AGO1: variants seen among roughly 807,000 people sequenced by gnomAD.
The protein encoded by AGO1 is protein argonaute-1.
AGO1 carries 11 observed loss-of-function variants against 109.2 expected under a neutral mutation model. The ratio of observed to expected loss-of-function variants is 0.10; its 90% CI spans 0.06 to 0.17. The LOEUF is 0.17. Among genes scored for constraint, AGO1 ranks in the 10% least tolerant of loss-of-function variants. The pLI, the probability that AGO1 is intolerant of heterozygous loss-of-function variation, is 1.00. For missense variants in AGO1, 574 were observed against 1,140.3 expected (o/e 0.50, Z 7.15); for synonymous variants, 422 against 418.6 (o/e 1.01, Z -0.10).
chr1:35,908,561 T>C (rs1388625188), intron 12 of AGO1, among the ~76,000 whole-genome samples: 1 of 152,212 alleles, frequency 6.6e-6, no homozygotes, highest in Non-Finnish European at 1.5e-5. Context: ...CTGGATATAT[T>C]GATGAATAAA....
At chr1:35,883,080 G>T, upstream of AGO1, 1 of 1,045,914 alleles carries the variant, frequency 9.6e-7, no homozygotes, top group Non-Finnish European at 1.2e-6. The surrounding 1 kb of genome is among the most constrained non-coding windows in gnomAD (Gnocchi z 5.4). Context: ...ATGGCGACGG[G>T]TGACCGCCAG....
intron 2 of AGO1, among the ~76,000 whole-genome samples, 153 bp from the exon 3 acceptor site, chr1:35,892,404 T>A (rs1645236379): frequency 6.6e-6 from 1 of 152,230 alleles, no homozygotes; most frequent in African/African-American, 2.4e-5. Context: ...TCCAGGTGAT[T>A]CATAGGAATA....
rs774740182 is a variant in AGO1 at position 35,918,472 on chromosome 1, C to A, written c.2265+49C>A. ...TCCAATGGGTCAAAGATGAGTTGTTCATTCATATTGCCTCTAGAATGTATC... is the reference window on the plus strand; with the variant it reads ...TCCAATGGGTCAAAGATGAGTTGTTAATTCATATTGCCTCTAGAATGTATC... On this transcript the variant is annotated intron_variant, in intron 17 of 18. Transcript: ENST00000373204. 3.7e-6 allele frequency: 5 copies of A among 1,367,198 alleles called. No homozygotes were observed. In the South Asian group the frequency reaches 4.6e-5, roughly 13 times the overall value. The allele number at this position is 1,367,198 out of a possible 1,614,324, so 84.7% of individuals were successfully genotyped here. A position where few individuals can be genotyped will look rare whatever the true frequency, so the allele number is the denominator to read the frequency against.
chr1:35,893,153 C>T lies in AGO1; in HGVS notation c.387C>T (p.Ser129=), dbSNP rs1645252397. 2 of 1,614,062 alleles carry T rather than the reference C, an allele frequency of 1.2e-6. No individual in the cohort carries two copies. The highest frequency in any genetic ancestry group is 3.3e-5 in the Admixed American group (2 of 59,990). Residue 129 remains serine, a synonymous_variant, in exon 4 of 19, where the codon TCC becomes TCT. Coordinates refer to ENST00000373204, the MANE Select transcript of AGO1 (RefSeq NM_012199.5). This position sits in a 1 kb window ranked among gnomAD's most constrained non-coding sequence, Gnocchi z 5.6. Reference sequence around the variant, plus strand: ...GGAAGGATCGAATCTTTAAGGTCTCCATCAAGTGGCTAGCCATTGTGAGCT... The same window carrying T: ...GGAAGGATCGAATCTTTAAGGTCTCTATCAAGTGGCTAGCCATTGTGAGCT... ...GEGKDRIFKV[S]IKWLAIVSWR... is the part of the protein sequence containing the mutation.
intron 12 of AGO1, among the ~76,000 whole-genome samples, chr1:35,912,999 G>A (rs541745606): frequency 1.1e-4 from 17 of 151,234 alleles, no homozygotes; most frequent in African/African-American, 3.9e-4. Flanking sequence ...GTTTTTCTCC[G>A]TCTCAACAAC....
intron 11 of AGO1, 81 bp from the exon 12 acceptor site, chr1:35,906,854 A>C (rs1459158524): frequency 2.4e-6 from 3 of 1,271,770 alleles, no homozygotes; most frequent in Non-Finnish European, 2.2e-6. Flanking sequence ...TTATAGTGCT[A>C]AGCACCTAAG....
upstream of AGO1, chr1:35,882,716 C>CGT (rs765383242): frequency 1.2e-5 from 8 of 677,084 alleles, no homozygotes; most frequent in Non-Finnish European, 1.3e-5. The surrounding 1 kb of genome is among the most constrained non-coding windows in gnomAD (Gnocchi z 5.1). Flanking sequence ...CAGCACATGG[C>CGT]GTGGAAGAGG....
Position 35,894,143 on chromosome 1 carries a change from G to A in AGO1, c.756G>A (p.Gln252=). ...DEQPKPLTDS[Q]RVRFTKEIKG... Reference sequence around the variant, plus strand: ...AGCCCAAGCCCCTCACGGACTCTCAGCGCGTTCGCTTCACCAAGGAGATCA... The same window carrying A: ...AGCCCAAGCCCCTCACGGACTCTCAACGCGTTCGCTTCACCAAGGAGATCA... Residue 252 remains glutamine (Q), a synonymous_variant, in exon 6 of 19, where the codon CAG becomes CAA. Coordinates refer to ENST00000373204, the MANE Select transcript of AGO1 (RefSeq NM_012199.5). 1.9e-6 allele frequency: 3 copies of A among 1,580,200 alleles called. No homozygotes were observed. Among genetic ancestry groups the A allele is most frequent in the Non-Finnish European group, 2.6e-6 (3 of 1,163,526 alleles).
rs1645419354 is a variant in AGO1 at position 35,901,726 on chromosome 1, G to A, written c.1140+133G>A. 2 of 1,441,028 alleles carry A rather than the reference G, an allele frequency of 1.4e-6. No homozygotes were observed. The highest frequency in any genetic ancestry group is 4.4e-5 in the Admixed American group (2 of 45,414). The allele number at this position is 1,441,028 out of a possible 1,614,324, so 89.3% of individuals were successfully genotyped here. ...CCTAGGACTGTATAAGGCTGCTTTT[G>A]CTTCTTGACCGTATAGCTACTTTGC... On this transcript the variant is annotated intron_variant, in intron 9 of 18. Transcript: ENST00000373204. The surrounding 1 kb of genome is among the most constrained non-coding windows in gnomAD (Gnocchi z 4.8).
chr1:35,880,293 A>G (rs1645024693), upstream of AGO1, among the ~76,000 whole-genome samples: 1 of 152,056 alleles, frequency 6.6e-6, no homozygotes, highest in Non-Finnish European at 1.5e-5. Context: ...TCAGCATTCC[A>G]TAAGAAGAGT....
At position 35,918,414 on chromosome 1, in the gene AGO1, A is replaced by T; in HGVS notation, c.2256A>T (p.Ala752=). 1 of 1,613,596 alleles carries T rather than the reference A, an allele frequency of 6.2e-7. No individual in the cohort carries two copies. Among genetic ancestry groups the T allele is most frequent in the Admixed American group, 1.7e-5 (1 of 60,036 alleles). Reference sequence around the variant, plus strand: ...TTGACTTCTATCTGTGCAGCCACGCAGGCATCCAGGTAGCTGGGCTTTATC... The same window carrying T: ...TTGACTTCTATCTGTGCAGCCACGCTGGCATCCAGGTAGCTGGGCTTTATC... ...FEFDFYLCSH[A]GIQGTSRPSH... The change falls in exon 17 of 19, where the codon GCA becomes GCT. Residue 752 remains alanine, a synonymous_variant. Coordinates refer to ENST00000373204, the MANE Select transcript of AGO1 (RefSeq NM_012199.5).
intron 11 of AGO1, among the ~76,000 whole-genome samples, chr1:35,903,892 G>A (rs992170835): frequency 1.3e-5 from 2 of 151,736 alleles, no homozygotes; most frequent in African/African-American, 4.8e-5. Context: ...GAACCCGGGA[G>A]GCAGAGGTTG....
chr1:35,890,428 C>T (rs1464433605), intron 2 of AGO1, among the ~76,000 whole-genome samples: 2 of 152,112 alleles, frequency 1.3e-5, no homozygotes, highest in Non-Finnish European at 2.9e-5. Context: ...GTTCTTTATA[C>T]ATTGTTCTAT....
chr1:35,915,616 T>TA, intron 15 of AGO1, 74 bp downstream of exon 15: 4 of 1,394,246 alleles, frequency 2.9e-6, no homozygotes. Flanking sequence ...TTTTCTAAGC[T>TA]ATTGGCACTG....
intron 15 of AGO1, 69 bp from the exon 16 acceptor site, chr1:35,917,524 C>G: frequency 6.5e-7 from 1 of 1,542,572 alleles, no homozygotes; most frequent in Non-Finnish European, 8.8e-7. Flanking sequence ...CTCCTTAGTT[C>G]AGAAGGGTAT....
At chr1:35,913,113 G>A (rs1451816065) in intron 12 of AGO1, among the ~76,000 whole-genome samples, 1 of 150,060 alleles carries the variant, frequency 6.7e-6, no homozygotes, top group Non-Finnish European at 1.5e-5. Flanking sequence ...TCCACCTCCC[G>A]GGTTCACGCC....
At chr1:35,890,223 A>G (rs891016831) in intron 2 of AGO1, among the ~76,000 whole-genome samples, 5 of 151,938 alleles carry the variant, frequency 3.3e-5, no homozygotes, top group Admixed American at 2.6e-4. Context: ...GGGTTTCACT[A>G]TGTTGGCCAG....
chr1:35,871,165 A>G (rs1027948191), intron 1 of AGO1, among the ~76,000 whole-genome samples: 6 of 152,094 alleles, frequency 3.9e-5, no homozygotes, highest in Non-Finnish European at 7.4e-5. Flanking sequence ...ACTCCCACCA[A>G]CAGATCATTA....
intron 12 of AGO1, among the ~76,000 whole-genome samples, chr1:35,907,634 A>G (rs1318019621): frequency 6.6e-6 from 1 of 152,054 alleles, no homozygotes; most frequent in African/African-American, 2.4e-5. Flanking sequence ...TTCCGTCTCC[A>G]TCTCTCCTGC....
Sources: gnomAD v4.1 joint callset for allele counts (sites outside exome capture counted in the v4.1 genomes callset) on GRCh38, gnomAD v4.1.1 for gene constraint, Gnocchi (gnomAD v3.1) non-coding constraint, MANE v1.5 for transcripts, NCBI Gene and HGNC (gene_info 2026-07-23, HGNC 2026-07-21) for gene names.